Variants in ARID1B observed in about 807,000 individuals in gnomAD.
ARID1B encodes the protein AT-rich interactive domain-containing protein 1B.
Under a neutral mutation model 212.3 loss-of-function variants are expected in ARID1B, and 30 were observed. The ratio of observed to expected loss-of-function variants is 0.14; its 90% confidence interval spans 0.11 to 0.19. The LOEUF (loss-of-function observed/expected upper bound fraction) is 0.19, where lower values mean the gene tolerates loss of function less well. Ranked by LOEUF, ARID1B falls within the 10% of genes least tolerant of loss-of-function variation. The pLI is 1.00. For synonymous variants in ARID1B, 1,402 were observed against 1,301.7 expected (o/e 1.08, Z -1.66); for missense variants, 2,891 against 3,204.0 (o/e 0.90, Z 2.36).
Position 157,207,539 on chromosome 6 carries a change from C to T in ARID1B, c.6767C>T (p.Ala2256Val), listed in dbSNP as rs1226524520. The T allele has an allele frequency of 1.9e-6, 3 of 1,614,118 alleles. No individual in the cohort carries two copies. The highest frequency in any genetic ancestry group is 1.1e-5 in the South Asian group (1 of 91,080). ...KNPVCREMSM[A>V]LLSNLAQGDA... ...CCAGTCTGTCGAGAAATGTCCATGGCGCTTTTATCGAACCTTGCCCAAGGG... is the reference window on the plus strand; with the variant it reads ...CCAGTCTGTCGAGAAATGTCCATGGTGCTTTTATCGAACCTTGCCCAAGGG... Residue 2256 changes from alanine to valine, a missense_variant, in exon 20 of 20, where the codon GCG (alanine) becomes GTG (valine). Coordinates refer to ENST00000636930, the MANE Select transcript of ARID1B (RefSeq NM_001374828.1). This position sits in a 1 kb window ranked among gnomAD's most constrained non-coding sequence, Gnocchi z 8.5.
At chr6:156,781,883 A>G (rs1021839088) in intron 1 of ARID1B, among the ~76,000 whole-genome samples, 4 of 128,972 alleles carry the variant, frequency 3.1e-5, no homozygotes, top group African/African-American at 1.2e-4. Context: ...ACTTTAGAGT[A>G]TTTTTTTCTT....
At chr6:157,192,250 G>A (rs1332333423) in intron 15 of ARID1B, among the ~76,000 whole-genome samples, 2 of 151,930 alleles carry the variant, frequency 1.3e-5, no homozygotes, top group Non-Finnish European at 2.9e-5. Context: ...ATGACAACAT[G>A]GAAAAAAATA....
At chr6:157,126,776 A>G (rs929012222) in intron 6 of ARID1B, among the ~76,000 whole-genome samples, 1 of 152,158 alleles carries the variant, frequency 6.6e-6, no homozygotes, top group African/African-American at 2.4e-5. Context: ...TACTTTCACA[A>G]TATATAGGAA....
intron 2 of ARID1B, among the ~76,000 whole-genome samples, chr6:156,852,386 T>C (rs141939519): frequency 1.0e-3 from 156 of 151,876 alleles, no homozygotes; most frequent in African/African-American, 3.7e-3. Flanking sequence ...AGTTTGAGGT[T>C]ACAGTGAGCT....
chr6:157,032,388 G>GT (rs1781072032), intron 4 of ARID1B, among the ~76,000 whole-genome samples: 2 of 152,114 alleles, frequency 1.3e-5, no homozygotes, highest in African/African-American at 2.4e-5. Context: ...AAATAATGTG[G>GT]TACACATGCT....
intron 3 of ARID1B, among the ~76,000 whole-genome samples, chr6:156,919,724 C>T (rs1306641478): frequency 6.6e-6 from 1 of 152,218 alleles, no homozygotes; most frequent in Non-Finnish European, 1.5e-5. Context: ...TCCAGCTGCT[C>T]AGGAGGCTGA....
chr6:156,876,488 C>T (rs1328831806), intron 2 of ARID1B, among the ~76,000 whole-genome samples: 1 of 152,176 alleles, frequency 6.6e-6, no homozygotes, highest in Admixed American at 6.5e-5. Context: ...CACCTGGGGG[C>T]GCCTCCAGCA....
At chr6:156,944,976 G>A (rs529934322) in intron 4 of ARID1B, among the ~76,000 whole-genome samples, 1 of 147,318 alleles carries the variant, frequency 6.8e-6, no homozygotes, top group Admixed American at 6.7e-5. Flanking sequence ...AGGCTGGAGT[G>A]TAGTGGCTCG....
At chr6:157,177,621 A>T (rs1239358776) in intron 11 of ARID1B, among the ~76,000 whole-genome samples, 3 of 152,248 alleles carry the variant, frequency 2.0e-5, no homozygotes, top group Non-Finnish European at 4.4e-5. Context: ...TATGGTAAAG[A>T]CTGCTGAAAT....
At chr6:157,085,319 C>T (rs551144591) in intron 5 of ARID1B, among the ~76,000 whole-genome samples, 1 of 152,248 alleles carries the variant, frequency 6.6e-6, no homozygotes, top group African/African-American at 2.4e-5. Context: ...TTTTCTAAAA[C>T]ATTTCTACAG....
At chr6:157,048,040 T>A (rs1483763546) in intron 4 of ARID1B, among the ~76,000 whole-genome samples, 1 of 152,234 alleles carries the variant, frequency 6.6e-6, no homozygotes, top group Non-Finnish European at 1.5e-5. Flanking sequence ...TTAGGTTCTC[T>A]GCACTGCCAA....
intron 3 of ARID1B, among the ~76,000 whole-genome samples, chr6:156,932,131 T>TA (rs372027661): frequency 3.4e-3 from 157 of 45,720 alleles, no homozygotes; most frequent in Middle Eastern, 0.018. Context: ...CCTTGTTTCT[T>TA]AAAAAAAAAA....
chr6:156,965,568 CAT>C (rs1368634583), intron 4 of ARID1B, among the ~76,000 whole-genome samples: 2 of 152,178 alleles, frequency 1.3e-5, no homozygotes, highest in African/African-American at 2.4e-5. Flanking sequence ...AGATTAAACA[CAT>C]ATTAAGTTTC....
intron 6 of ARID1B, among the ~76,000 whole-genome samples, chr6:157,124,708 A>G (rs948233466): frequency 5.3e-5 from 8 of 152,184 alleles, no homozygotes; most frequent in Non-Finnish European, 8.8e-5. Context: ...GTGTATGTGA[A>G]TAGTATATGT....
intron 7 of ARID1B, among the ~76,000 whole-genome samples, chr6:157,143,828 C>G (rs1789539834): frequency 2.0e-5 from 3 of 152,252 alleles, no homozygotes; most frequent in Admixed American, 6.5e-5. Context: ...TGTATTTCTT[C>G]TATCCAATAG....
At chr6:156,940,011 CCT>C (rs1261178629) in intron 4 of ARID1B, 2 of 151,988 alleles carry the variant, frequency 1.3e-5, no homozygotes, top group East Asian at 3.9e-4. Flanking sequence ...AGTGCTTTTC[CCT>C]CCAGGGATCT....
chr6:157,055,811 C>A (rs1262076279), intron 4 of ARID1B, among the ~76,000 whole-genome samples: 2 of 152,104 alleles, frequency 1.3e-5, no homozygotes, highest in African/African-American at 4.8e-5. Context: ...CTCTTCCAAG[C>A]TCACCCGTTG....
chr6:157,111,905 C>A (rs1786952387), intron 6 of ARID1B, among the ~76,000 whole-genome samples: 1 of 152,116 alleles, frequency 6.6e-6, no homozygotes, highest in African/African-American at 2.4e-5. Context: ...TGGGCCCCAC[C>A]CCCAAGTTTC....
Position 156,955,275 on chromosome 6 carries a change from A to G in ARID1B, c.2247+19699A>G, listed in dbSNP as rs1272261687. On this transcript the variant is annotated intron_variant, in intron 4 of 19. Coordinates refer to ENST00000636930, the MANE Select transcript of ARID1B (RefSeq NM_001374828.1). This position sits in a 1 kb window ranked among gnomAD's most constrained non-coding sequence, Gnocchi z 4.2. ...GATAGCTCTTAATACAGAAAGTTAA[A>G]TAGGCTAAATCCAGAGCTTTCTGAC... Among the ~76,000 whole-genome samples the G allele has an allele frequency of 6.6e-6, 1 of 152,232 alleles. No individual in the cohort carries two copies. Among genetic ancestry groups the G allele is most frequent in the Non-Finnish European group, 1.5e-5 (1 of 68,042 alleles).
Sources: gnomAD v4.1 joint callset for allele counts (sites outside exome capture counted in the v4.1 genomes callset) on GRCh38, gnomAD v4.1.1 for gene constraint, Gnocchi (gnomAD v3.1) non-coding constraint, MANE v1.5 for transcripts, NCBI Gene and HGNC (gene_info 2026-07-23, HGNC 2026-07-21) for gene names.